Variants in VWA3B observed in about 807,000 individuals in gnomAD.
The protein encoded by VWA3B is von Willebrand factor A domain-containing protein 3B.
VWA3B carries 138 observed loss-of-function variants against 158.3 expected under a neutral mutation model. The ratio of observed to expected loss-of-function variants is 0.87; its 90% CI spans 0.76 to 1.00. The LOEUF is 1.00. VWA3B is among the 50% of genes least tolerant of loss of function. VWA3B has a pLI of 0.00. For missense variants in VWA3B, 1,555 were observed against 1,565.1 expected (o/e 0.99, Z 0.11); for synonymous variants, 596 against 587.3 (o/e 1.01, Z -0.21).
intron 19 of VWA3B, among the ~76,000 whole-genome samples, chr2:98,241,978 T>C (rs527848375): frequency 3.9e-4 from 59 of 152,236 alleles, no homozygotes; most frequent in African/African-American, 1.3e-3. Context: ...AATAATAATC[T>C]CAAATATCTC....
the VWA3B span, among the ~76,000 whole-genome samples, chr2:98,321,977 AG>A: frequency 6.6e-6 from 1 of 152,162 alleles, no homozygotes; most frequent in Non-Finnish European, 1.5e-5. Context: ...TTCTTGTGAT[AG>A]GGATAAGTCT....
intron 26 of VWA3B, among the ~76,000 whole-genome samples, chr2:98,305,859 A>C (rs187474391): frequency 6.6e-6 from 1 of 152,138 alleles, no homozygotes; most frequent in Admixed American, 6.5e-5. Context: ...CCTCACATGC[A>C]AATCTGCCTG....
chr2:98,163,335 C>T (rs549457481), intron 8 of VWA3B, among the ~76,000 whole-genome samples: 1 of 152,082 alleles, frequency 6.6e-6, no homozygotes, highest in Non-Finnish European at 1.5e-5. Context: ...GTCAGGAGAT[C>T]GAGACCATCC....
chr2:98,290,463 T>G, intron 22 of VWA3B, 48 bp from the exon 23 acceptor site: 2 of 1,378,024 alleles, frequency 1.5e-6, no homozygotes, highest in Non-Finnish European at 2.0e-6. Context: ...ATTTTCAGCA[T>G]CTGCATTCAC....
At chr2:98,214,229 A>G (rs974276989) in intron 13 of VWA3B, among the ~76,000 whole-genome samples, 2 of 152,010 alleles carry the variant, frequency 1.3e-5, no homozygotes, top group African/African-American at 4.8e-5. Context: ...CACAAAAAAA[A>G]CAAAAAAAAG....
intron 22 of VWA3B, among the ~76,000 whole-genome samples, chr2:98,286,100 T>C (rs1689152282): frequency 6.6e-6 from 1 of 151,626 alleles, no homozygotes; most frequent in South Asian, 2.1e-4. Flanking sequence ...AGAAATACAG[T>C]TGATTTTTTC....
chr2:98,291,322 G>A (rs575640094), intron 23 of VWA3B: 5 of 152,398 alleles, frequency 3.3e-5, no homozygotes, highest in African/African-American at 1.2e-4. Flanking sequence ...GATCCCTGAA[G>A]GAATCAGCCA....
At chr2:98,318,794 A>G in the VWA3B span, among the ~76,000 whole-genome samples, 1 of 152,218 alleles carries the variant, frequency 6.6e-6, no homozygotes, top group East Asian at 1.9e-4. Flanking sequence ...AAAAAGACAT[A>G]ATATATATTA....
intron 17 of VWA3B, 76 bp from the exon 18 acceptor site, chr2:98,236,314 C>A: frequency 1.4e-6 from 2 of 1,478,938 alleles, no homozygotes; most frequent in South Asian, 1.2e-5. Flanking sequence ...TGGACTGAGA[C>A]AAGCGTGATC....
At chr2:98,292,754 C>T (rs574152272) in intron 23 of VWA3B, among the ~76,000 whole-genome samples, 4 of 152,086 alleles carry the variant, frequency 2.6e-5, no homozygotes, top group South Asian at 2.1e-4. Flanking sequence ...CACCTGAGGT[C>T]GGGAGTTTGA....
chr2:98,202,920 C>T (rs1318383612), intron 12 of VWA3B, among the ~76,000 whole-genome samples: 2 of 152,082 alleles, frequency 1.3e-5, no homozygotes, highest in Non-Finnish European at 2.9e-5. Flanking sequence ...GCAACCTCCA[C>T]CTCCCAGGTT....
At chr2:98,251,673 G>A (rs990007738) in intron 20 of VWA3B, among the ~76,000 whole-genome samples, 12 of 152,192 alleles carry the variant, frequency 7.9e-5, no homozygotes, top group East Asian at 5.8e-4. Context: ...CCAGGCCAGC[G>A]TATGTTGGTC....
chr2:98,192,040 T>C (rs990187505), intron 10 of VWA3B, among the ~76,000 whole-genome samples: 2 of 152,166 alleles, frequency 1.3e-5, no homozygotes, highest in Non-Finnish European at 2.9e-5. Context: ...ACCAGGGCCT[T>C]GGTTATTACA....
At chr2:98,214,434 T>C (rs1683802004) in intron 13 of VWA3B, among the ~76,000 whole-genome samples, 1 of 152,180 alleles carries the variant, frequency 6.6e-6, no homozygotes, top group African/African-American at 2.4e-5. Flanking sequence ...TAGTAATGTG[T>C]TCTAATGCAT....
In VWA3B at chr2:98,166,486, C is replaced by T. The variant is rs938864402; in HGVS notation, c.1114+3510C>T. Among the ~76,000 whole-genome samples, 8 of 152,234 alleles carry T rather than the reference C, an allele frequency of 5.3e-5. No individual in the cohort carries two copies. In the East Asian group the frequency reaches 7.7e-4, roughly 15 times the overall value. Reference sequence around the variant, plus strand: ...CCCCAGAAGCACATGGAGGAAAGGTCGTGTGCAGCACAGAGAGAAGGTGGC... The same window carrying T: ...CCCCAGAAGCACATGGAGGAAAGGTTGTGTGCAGCACAGAGAGAAGGTGGC... On this transcript the variant is annotated intron_variant, in intron 8 of 27. Transcript: ENST00000477737.
chr2:98,263,858 T>A (rs1373493794), intron 21 of VWA3B, among the ~76,000 whole-genome samples: 1 of 152,076 alleles, frequency 6.6e-6, no homozygotes, highest in East Asian at 1.9e-4. Context: ...AGTTAAGCCA[T>A]GTGGTACTGG....
Position 98,236,736 on chromosome 2 carries a change from CTGAT to C in VWA3B, c.2673+9_2673+12del. On this transcript the variant is annotated splice_region_variant and intron_variant, in intron 19 of 27. Coordinates refer to ENST00000477737, the MANE Select transcript of VWA3B (RefSeq NM_144992.5). ...TGTCTAAGGTCTTTGATGAGGTAAA[CTGAT>C]TGTCTATACGTCCCTACTTGAGGCC... 1 of 1,610,736 alleles carries C rather than the reference CTGAT, an allele frequency of 6.2e-7. No individual in the cohort carries two copies. The highest frequency in any genetic ancestry group is 1.1e-5 in the South Asian group (1 of 90,152).
At chr2:98,210,351 G>A (rs1466555420) in intron 12 of VWA3B, among the ~76,000 whole-genome samples, 1 of 152,078 alleles carries the variant, frequency 6.6e-6, no homozygotes, top group East Asian at 1.9e-4. Context: ...TCCTACGCTG[G>A]GCATGAACTT....
intron 2 of VWA3B, among the ~76,000 whole-genome samples, chr2:98,112,299 T>TGG (rs1485048390): frequency 3.9e-4 from 58 of 149,414 alleles, no homozygotes; most frequent in African/African-American, 9.7e-4. Context: ...TGTGTGTGTG[T>TGG]GTGGGTGTGT....
Sources: gnomAD v4.1 joint callset for allele counts (sites outside exome capture counted in the v4.1 genomes callset) on GRCh38, gnomAD v4.1.1 for gene constraint, MANE v1.5 for transcripts, NCBI Gene and HGNC (gene_info 2026-07-23, HGNC 2026-07-21) for gene names.